Variants in NCR3LG1 observed in about 807,000 individuals in gnomAD.
NCR3LG1 encodes the protein natural cytotoxicity triggering receptor 3 ligand 1.
Under a neutral mutation model 34.8 loss-of-function variants are expected in NCR3LG1, and 35 were observed. That is an observed-to-expected ratio of 1.01 (90% CI 0.77 to 1.33). The LOEUF is 1.33. NCR3LG1 is among the 40% of genes most tolerant of loss of function. The pLI is 0.00. For missense variants in NCR3LG1, 452 were observed against 423.3 expected (o/e 1.07, Z -0.60); for synonymous variants, 173 against 163.6 (o/e 1.06, Z -0.44).
At chr11:17,366,872 C>T in intron 2 of NCR3LG1, 137 bp from the exon 3 acceptor site, 1 of 629,824 alleles carries the variant, frequency 1.6e-6, no homozygotes, top group Non-Finnish European at 2.7e-6. Flanking sequence ...AGTAGGCATC[C>T]TGTGTTTTTT....
chr11:17,368,802 G>T, intron 3 of NCR3LG1, 65 bp from the exon 4 acceptor site: 1 of 1,054,164 alleles, frequency 9.5e-7, no homozygotes, highest in South Asian at 1.4e-5. Flanking sequence ...CCCAGCAGCA[G>T]TTGTGTGGTT....
chr11:17,352,569 A>G (rs1360635887), intron 1 of NCR3LG1, among the ~76,000 whole-genome samples: 1 of 152,136 alleles, frequency 6.6e-6, no homozygotes, highest in East Asian at 1.9e-4. Context: ...CAGGGTCGAC[A>G]CCTGTGAGAG....
downstream of NCR3LG1, among the ~76,000 whole-genome samples, chr11:17,380,429 C>T (rs1953507682): frequency 6.6e-6 from 1 of 152,094 alleles, no homozygotes; most frequent in Non-Finnish European, 1.5e-5. Flanking sequence ...GGGATAGGCT[C>T]TGGCCACCCA....
intron 2 of NCR3LG1, among the ~76,000 whole-genome samples, chr11:17,357,850 T>C (rs1309978341): frequency 6.6e-6 from 1 of 152,042 alleles, no homozygotes; most frequent in Admixed American, 6.6e-5. Flanking sequence ...AGGACCTCGG[T>C]TGCATGCCAC....
intron 2 of NCR3LG1, among the ~76,000 whole-genome samples, chr11:17,365,057 T>G (rs1306478938): frequency 6.6e-6 from 1 of 152,234 alleles, no homozygotes; most frequent in Admixed American, 6.5e-5. Context: ...TATATGATAA[T>G]TCTAAAATCT....
intron 2 of NCR3LG1, among the ~76,000 whole-genome samples, chr11:17,365,367 T>C (rs898457156): frequency 1.3e-5 from 2 of 152,236 alleles, no homozygotes; most frequent in African/African-American, 4.8e-5. Flanking sequence ...TCTGTTATTA[T>C]ACTGGAGCCC....
At position 17,367,242 on chromosome 11, in the gene NCR3LG1, C is replaced by T; in HGVS notation, c.655C>T (p.Gln219Ter). The T allele has an allele frequency of 1.3e-6, 2 of 1,536,356 alleles. No individual in the cohort carries two copies. Among genetic ancestry groups the T allele is most frequent in the Non-Finnish European group, 1.7e-6 (2 of 1,146,972 alleles). Reference sequence around the variant, plus strand: ...TAGCTGCTTGAAGCTGAACTCCTCTCAGGAAGACCCTGGGACTGTCTACCA... The same window carrying T: ...TAGCTGCTTGAAGCTGAACTCCTCTTAGGAAGACCCTGGGACTGTCTACCA... The part of the protein sequence containing the change: ...VTSCLKLNSS[Q>*]EDPGTVYQCV... The change falls in exon 3 of 5, where the codon CAG (glutamine) becomes TAG (stop). Residue 219 changes from glutamine to a stop codon, truncating the protein, a stop_gained. Coordinates refer to ENST00000338965, the MANE Select transcript of NCR3LG1 (RefSeq NM_001202439.3). LOFTEE classifies it high-confidence loss of function.
downstream of NCR3LG1, among the ~76,000 whole-genome samples, chr11:17,378,274 A>G (rs1313882047): frequency 6.6e-6 from 1 of 152,166 alleles, no homozygotes; most frequent in Non-Finnish European, 1.5e-5. Flanking sequence ...AAGAGAATGT[A>G]CAGGTGCTTA....
chr11:17,365,379 G>A (rs72865031), intron 2 of NCR3LG1, among the ~76,000 whole-genome samples: 8,037 of 152,254 alleles, frequency 0.053, 375 homozygotes, highest in Admixed American at 0.14. Flanking sequence ...CTGGAGCCCT[G>A]TTGATGTGGT....
At chr11:17,356,205 T>G (rs1384488301) in intron 1 of NCR3LG1, among the ~76,000 whole-genome samples, 3 of 146,914 alleles carry the variant, frequency 2.0e-5, no homozygotes, top group African/African-American at 7.6e-5. Context: ...TGGCATGATC[T>G]CAGCTCACTG....
At position 17,351,854 on chromosome 11, in the gene NCR3LG1, T is replaced by A; in HGVS notation, c.-116T>A. ...GATGTGCAAAAGCGCCGGCTGGAAATCCCGGCTGTGTCTCCGTCAACTCTT... is the reference window on the plus strand; with the variant it reads ...GATGTGCAAAAGCGCCGGCTGGAAAACCCGGCTGTGTCTCCGTCAACTCTT... On this transcript the variant is annotated 5_prime_UTR_variant, in exon 1 of 5. Coordinates refer to ENST00000338965, the MANE Select transcript of NCR3LG1 (RefSeq NM_001202439.3). 1 of 813,870 alleles carries A rather than the reference T, an allele frequency of 1.2e-6. No individual in the cohort carries two copies. Among genetic ancestry groups the A allele is most frequent in the Non-Finnish European group, 2.0e-6 (1 of 511,506 alleles). 50.4% of individuals were successfully genotyped at this position (813,870 alleles called of 1,614,324 possible). A position where few individuals can be genotyped will look rare whatever the true frequency, so the allele number is the denominator to read the frequency against.
intron 4 of NCR3LG1, among the ~76,000 whole-genome samples, chr11:17,371,377 C>G (rs1054203048): frequency 1.3e-5 from 2 of 152,126 alleles, no homozygotes; most frequent in African/African-American, 4.8e-5. Context: ...TCTTATGTCC[C>G]TCTTTCAGTG....
chr11:17,356,761 A>T lies in NCR3LG1; in HGVS notation c.181A>T (p.Met61Leu). Residue 61 changes from methionine to leucine, a missense_variant, in exon 2 of 5, where the codon ATG (methionine) becomes TTG (leucine). By Grantham distance (15) the Met-to-Leu change is conservative. Coordinates refer to ENST00000338965, the MANE Select transcript of NCR3LG1 (RefSeq NM_001202439.3). Reference protein sequence around the residue: ...FYSQPLNITSMGITWFWKSLT... With the variant: ...FYSQPLNITSLGITWFWKSLT... ...TTCCCAACCCCTCAACATCACGTCTATGGGTATCACCTGGTTTTGGAAGAG... is the reference window on the plus strand; with the variant it reads ...TTCCCAACCCCTCAACATCACGTCTTTGGGTATCACCTGGTTTTGGAAGAG... The T allele has an allele frequency of 6.5e-7, 1 of 1,536,404 alleles. No individual in the cohort carries two copies. Among genetic ancestry groups the T allele is most frequent in the Non-Finnish European group, 8.7e-7 (1 of 1,146,958 alleles).
chr11:17,372,557 A>G lies in NCR3LG1; in HGVS notation c.*45A>G, dbSNP rs1953422946. On this transcript the variant is annotated 3_prime_UTR_variant, in exon 5 of 5. Coordinates refer to ENST00000338965, the MANE Select transcript of NCR3LG1 (RefSeq NM_001202439.3). The stretch of plus-strand genomic sequence containing the variant: ...CCACTAGGGTCCAAGTTCCCTTTTC[A>G]TTACAGGACCTTGGGCAAATAAGAG... 1 of 638,694 alleles carries G rather than the reference A, an allele frequency of 1.6e-6. No homozygotes were observed. The allele number at this position is 638,694 out of a possible 1,614,324, so 39.6% of individuals were successfully genotyped here.
In NCR3LG1 at chr11:17,367,183, C is replaced by A; in HGVS notation, c.596C>A (p.Thr199Asn). 3.3e-6 allele frequency: 5 copies of A among 1,536,600 alleles called. No individual in the cohort carries two copies. Among genetic ancestry groups the A allele is most frequent in the Non-Finnish European group, 3.5e-6 (4 of 1,147,026 alleles). Reference sequence around the variant, plus strand: ...TCTGAGGATGTCATCACTGGTCCCACCATCAAGAATATGGATGGCACATTT... The same window carrying A: ...TCTGAGGATGTCATCACTGGTCCCAACATCAAGAATATGGATGGCACATTT... ...EISEDVITGP[T>N]IKNMDGTFNV... Residue 199 changes from threonine (T) to asparagine (N), a missense_variant, in exon 3 of 5, where the codon ACC becomes AAC. Physicochemically the swap from Thr to Asn is moderately conservative, Grantham distance 65 (BLOSUM62 0). Transcript: ENST00000338965.
rs771376866 is a variant in NCR3LG1 at position 17,356,880 on chromosome 11, G to A, written c.300G>A (p.Leu100=). ...GAGCCATTGTGTCTCCATGGAGGCT[G>A]AAGAGTGGGGACGCCTCACTGCGGC... is the stretch of plus-strand genomic sequence containing the variant. ...RPGAIVSPWR[L]KSGDASLRLP... is the part of the protein sequence containing the mutation. The change falls in exon 2 of 5, where the codon CTG becomes CTA. Residue 100 remains leucine, a synonymous_variant. Coordinates refer to ENST00000338965, the MANE Select transcript of NCR3LG1 (RefSeq NM_001202439.3). 3 of 1,536,164 alleles carry A rather than the reference G, an allele frequency of 2.0e-6. No homozygotes were observed. Among genetic ancestry groups the A allele is most frequent in the South Asian group, 2.4e-5 (2 of 84,058 alleles).
chr11:17,365,539 C>A (rs1953335990), intron 2 of NCR3LG1, among the ~76,000 whole-genome samples: 1 of 152,172 alleles, frequency 6.6e-6, no homozygotes, highest in Non-Finnish European at 1.5e-5. Context: ...CTATAGACAG[C>A]TGGAGTTGGC....
At chr11:17,359,258 A>G (rs1368524054) in intron 2 of NCR3LG1, among the ~76,000 whole-genome samples, 3 of 152,168 alleles carry the variant, frequency 2.0e-5, no homozygotes, top group South Asian at 2.1e-4. Flanking sequence ...CATATCTACA[A>G]ATATTTCTAT....
At chr11:17,360,737 T>A (rs1030765926) in intron 2 of NCR3LG1, among the ~76,000 whole-genome samples, 1 of 152,194 alleles carries the variant, frequency 6.6e-6, no homozygotes, top group African/African-American at 2.4e-5. Flanking sequence ...ATTTCTGGGC[T>A]TTCTATTCAG....
Sources: allele counts gnomAD v4.1 joint callset (sites outside exome capture counted in the v4.1 genomes callset), GRCh38; gene constraint gnomAD v4.1.1; transcripts MANE v1.5; gene names NCBI Gene and HGNC (gene_info 2026-07-23, HGNC 2026-07-21).